The following HEPH variants were observed in gnomAD, a reference collection of about 807,000 sequenced individuals.
HEPH encodes hephaestin.
A neutral mutation model predicts 80.8 loss-of-function variants in HEPH; 69 were observed. That is an observed-to-expected ratio of 0.85 (90% CI 0.70 to 1.04). HEPH has a LOEUF of 1.04. HEPH is among the 50% of genes least tolerant of loss of function. The pLI is 0.00. For synonymous variants in HEPH, 431 were observed against 322.8 expected (o/e 1.34, Z -3.60); for missense variants, 1,115 against 891.3 (o/e 1.25, Z -3.20).
In HEPH at chrX:66,255,106, T is replaced by C; in HGVS notation, c.2635T>C (p.Ser879Pro). The C allele has an allele frequency of 8.3e-7, 1 of 1,207,112 alleles. No individual in the cohort carries two copies. Among genetic ancestry groups the C allele is most frequent in the Non-Finnish European group, 1.1e-6 (1 of 892,455 alleles). The change falls in exon 16 of 21, where the codon TCC (serine) becomes CCC (proline). Residue 879 changes from serine to proline, a missense_variant. Transcript: ENST00000343002. ...GPGPNDSACV[S>P]WIYYSAVDPI... Reference sequence around the variant, plus strand: ...TGGGCCCAATGACTCTGCTTGTGTTTCCTGGATCTATTATTCTGCAGTGGA... The same window carrying C: ...TGGGCCCAATGACTCTGCTTGTGTTCCCTGGATCTATTATTCTGCAGTGGA...
chrX:66,177,977 G>A (rs1175382254), intron 4 of HEPH, among the ~76,000 whole-genome samples: 1 of 111,226 alleles, frequency 9.0e-6, no homozygotes, highest in Non-Finnish European at 1.9e-5. Flanking sequence ...TAAGTTCTAG[G>A]GTACATGTGC....
intron 4 of HEPH, among the ~76,000 whole-genome samples, chrX:66,179,977 T>G (rs781770563): frequency 6.3e-5 from 7 of 111,067 alleles, no homozygotes; most frequent in Non-Finnish European, 1.1e-4. Context: ...TGAGTCCTTA[T>G]GTGTTAGGTG....
At chrX:66,171,595 C>G (rs1240706814) in intron 2 of HEPH, among the ~76,000 whole-genome samples, 7 of 111,840 alleles carry the variant, frequency 6.3e-5, no homozygotes, top group Non-Finnish European at 9.4e-5. Context: ...TCTGAGTTCT[C>G]TGAGAAGAAT....
At chrX:66,193,754 G>A (rs186952256) in intron 8 of HEPH, 116 bp downstream of exon 8, 63 of 480,950 alleles carry the variant, frequency 1.3e-4, no homozygotes, top group African/African-American at 1.3e-3. Flanking sequence ...ATCTCCCAAA[G>A]TGAGTCTTAT....
At chrX:66,218,572 C>T (rs1195408714) in intron 15 of HEPH, among the ~76,000 whole-genome samples, 5 of 111,968 alleles carry the variant, frequency 4.5e-5, no homozygotes, top group Non-Finnish European at 7.5e-5. Context: ...AAGCTACAGA[C>T]AAAACCCTTT....
At chrX:66,259,000 A>T in intron 18 of HEPH, 21 bp downstream of exon 18, 1 of 1,191,336 alleles carries the variant, frequency 8.4e-7, no homozygotes. Flanking sequence ...AAATGGGCTG[A>T]GTCCCTCAAG....
At chrX:66,246,031 C>T (rs1382715376) in intron 15 of HEPH, among the ~76,000 whole-genome samples, 1 of 112,141 alleles carries the variant, frequency 8.9e-6, no homozygotes. Context: ...AATCTGCTGT[C>T]GGAGTATTTC....
chrX:66,207,307 G>T lies in HEPH; in HGVS notation c.2404G>T (p.Gly802Ter). 2.5e-6 allele frequency: 3 copies of T among 1,195,359 alleles called. No homozygotes were observed. Among genetic ancestry groups the T allele is most frequent in the Non-Finnish European group, 3.4e-6 (3 of 886,531 alleles). ...ATTCAGGATCCCTCGGCCAAGGACT[G>T]GACCAGAAGAACACTTGGGAATCTT... ...GTFRIPRPRT[G>*]PEEHLGILGP... is the part of the protein sequence containing the mutation. Residue 802 changes from glycine to a stop codon, truncating the protein, a stop_gained, in exon 14 of 21, where the codon GGA becomes TGA. Coordinates refer to ENST00000343002, the MANE Select transcript of HEPH (RefSeq NM_001367233.3). LOFTEE classifies it high-confidence loss of function.
intron 13 of HEPH, 39 bp from the exon 14 acceptor site, chrX:66,207,156 G>A (rs1243422225): frequency 1.7e-6 from 2 of 1,160,637 alleles, no homozygotes; most frequent in African/African-American, 3.7e-5. Context: ...ATGAGGGGTT[G>A]ATGGCCAGGT....
chrX:66,229,546 A>G (rs893105029), intron 15 of HEPH, among the ~76,000 whole-genome samples: 1 of 111,659 alleles, frequency 9.0e-6, no homozygotes, highest in Admixed American at 9.5e-5. Flanking sequence ...AGAAATCACC[A>G]CTAAAGAACT....
rs754963799 is a variant in HEPH at position 66,212,951 on chromosome X, A to AT, written c.2563+4713dup. On this transcript the variant is annotated intron_variant, in intron 15 of 20. Coordinates refer to ENST00000343002, the MANE Select transcript of HEPH (RefSeq NM_001367233.3). ...CATTTTAATGATATTAATTCTTTTG[A>AT]TTTTTTTTATTTGTTTTTATCCTCT... Among the ~76,000 whole-genome samples, 19 of 107,982 alleles carry AT rather than the reference A, an allele frequency of 1.8e-4. No individual in the cohort carries two copies. The South Asian group carries it at 5.9e-3, about 33-fold the overall frequency. The allele number at this position is 107,982 out of a possible 115,157, so 93.8% of individuals were successfully genotyped here. A position where few individuals can be genotyped will look rare whatever the true frequency, so the allele number is the denominator to read the frequency against.
chrX:66,173,893 C>A, intron 4 of HEPH, 92 bp downstream of exon 4: 1 of 560,781 alleles, frequency 1.8e-6, no homozygotes, highest in Non-Finnish European at 2.7e-6. Context: ...TGGACAGCAG[C>A]CTGAGGAGTG....
chrX:66,191,086 G>A (rs2087763491), intron 6 of HEPH, among the ~76,000 whole-genome samples: 1 of 111,336 alleles, frequency 9.0e-6, no homozygotes, highest in South Asian at 3.8e-4. Flanking sequence ...GAGAATAGGG[G>A]GATGATATAA....
intron 14 of HEPH, 104 bp downstream of exon 14, chrX:66,207,438 T>C: frequency 1.9e-6 from 1 of 529,319 alleles, no homozygotes; most frequent in Non-Finnish European, 2.8e-6. Context: ...CTCAATGTTT[T>C]CATATGATAT....
chrX:66,229,485 A>G (rs1170676086), intron 15 of HEPH, among the ~76,000 whole-genome samples: 2 of 111,718 alleles, frequency 1.8e-5, no homozygotes, highest in Non-Finnish European at 3.8e-5. Flanking sequence ...ATAAAAGACT[A>G]CACATTGAAT....
At chrX:66,178,737 T>A (rs1268300768) in intron 4 of HEPH, among the ~76,000 whole-genome samples, 1 of 112,523 alleles carries the variant, frequency 8.9e-6, no homozygotes, top group Non-Finnish European at 1.9e-5. Flanking sequence ...GCTGCATAAA[T>A]GTCTTCTTTT....
chrX:66,253,820 T>TA (rs748175365), intron 15 of HEPH, among the ~76,000 whole-genome samples: 20 of 111,606 alleles, frequency 1.8e-4, no homozygotes, highest in Admixed American at 8.6e-4. Flanking sequence ...ACATATTAAA[T>TA]AAAAAAATTC....
At chrX:66,232,592 G>A (rs907849252) in intron 15 of HEPH, among the ~76,000 whole-genome samples, 3 of 110,747 alleles carry the variant, frequency 2.7e-5, no homozygotes, top group Non-Finnish European at 5.7e-5. Context: ...GGTGCAATGG[G>A]GGCATATGAA....
chrX:66,224,597 G>T (rs1357093001), intron 15 of HEPH, among the ~76,000 whole-genome samples: 1 of 112,087 alleles, frequency 8.9e-6, no homozygotes, highest in Non-Finnish European at 1.9e-5. Flanking sequence ...AGCTCTTGCT[G>T]CTATAGATTG....
Sources: gnomAD v4.1 joint callset for allele counts (sites outside exome capture counted in the v4.1 genomes callset) on GRCh38, gnomAD v4.1.1 for gene constraint, MANE v1.5 for transcripts, NCBI Gene and HGNC (gene_info 2026-07-23, HGNC 2026-07-21) for gene names.